DNM3: variants seen among roughly 807,000 people sequenced by gnomAD.
The protein encoded by DNM3 is dynamin 3.
In DNM3, 47 loss-of-function variants were observed where a neutral mutation model predicts 101.6. That is an observed-to-expected ratio of 0.46 (90% CI 0.37 to 0.59). DNM3 has a LOEUF of 0.59. DNM3 is among the 20% of genes least tolerant of loss of function. The pLI is 0.00. For missense variants in DNM3, 849 were observed against 1,085.7 expected (o/e 0.78, Z 3.06); for synonymous variants, 385 against 387.9 (o/e 0.99, Z 0.09).
chr1:171,982,189 A>C (rs949960423), intron 2 of DNM3, among the ~76,000 whole-genome samples: 1 of 152,210 alleles, frequency 6.6e-6, no homozygotes, highest in Non-Finnish European at 1.5e-5. Context: ...AAACCGTGGT[A>C]AACTATGGTA....
At chr1:172,225,133 T>TC (rs1557842454) in intron 14 of DNM3, among the ~76,000 whole-genome samples, 1 of 122,436 alleles carries the variant, frequency 8.2e-6, no homozygotes, top group Non-Finnish European at 1.7e-5. Flanking sequence ...TTCTTCTTCC[T>TC]CTTTTTTTTT....
At chr1:172,092,233 C>G (rs549425276) in intron 12 of DNM3, among the ~76,000 whole-genome samples, 1 of 152,264 alleles carries the variant, frequency 6.6e-6, no homozygotes, top group South Asian at 2.1e-4. Flanking sequence ...CATGGCAGAT[C>G]CAAACCAGAG....
chr1:171,922,383 A>AT (rs1571626978), intron 2 of DNM3, among the ~76,000 whole-genome samples: 1 of 149,886 alleles, frequency 6.7e-6, no homozygotes, highest in Non-Finnish European at 1.5e-5. Context: ...TGCCATTTGT[A>AT]TTTCTTCTCT....
intron 17 of DNM3, among the ~76,000 whole-genome samples, chr1:172,367,809 T>C (rs1264732937): frequency 6.6e-6 from 1 of 151,862 alleles, no homozygotes; most frequent in East Asian, 1.9e-4. Flanking sequence ...TTTCACTGTG[T>C]CCCCACCCAA....
chr1:172,195,919 A>G (rs2059930504), intron 14 of DNM3, among the ~76,000 whole-genome samples: 1 of 150,054 alleles, frequency 6.7e-6, no homozygotes, highest in African/African-American at 2.5e-5. Flanking sequence ...TTAAACTTCT[A>G]TTTTAGGTTT....
chr1:172,258,342 A>G (rs1343495771), intron 15 of DNM3, among the ~76,000 whole-genome samples: 1 of 152,066 alleles, frequency 6.6e-6, no homozygotes, highest in Non-Finnish European at 1.5e-5. Context: ...AGAAATTGCC[A>G]TACTGTTTTC....
chr1:172,183,754 C>G (rs901843765), intron 14 of DNM3, among the ~76,000 whole-genome samples: 4 of 147,352 alleles, frequency 2.7e-5, no homozygotes, highest in Non-Finnish European at 4.5e-5. Context: ...GGTTGCACCA[C>G]CATGCCCAGC....
chr1:172,161,070 C>T (rs776769045), intron 14 of DNM3, among the ~76,000 whole-genome samples: 3 of 151,772 alleles, frequency 2.0e-5, no homozygotes, highest in African/African-American at 4.8e-5. Context: ...AACTTTGGTC[C>T]GATGGCTGGA....
chr1:171,872,281 G>A (rs2035364386), intron 1 of DNM3, among the ~76,000 whole-genome samples: 4 of 152,090 alleles, frequency 2.6e-5, no homozygotes, highest in Admixed American at 2.6e-4. Context: ...TTACCAAATG[G>A]TATATTTTGA....
At chr1:172,395,743 T>C (rs2149098263) in intron 20 of DNM3, among the ~76,000 whole-genome samples, 1 of 152,378 alleles carries the variant, frequency 6.6e-6, no homozygotes, top group East Asian at 1.9e-4. Flanking sequence ...GTAAGTGTTG[T>C]CGGGGGGAAC....
At chr1:172,020,573 A>T (rs1474839211) in intron 4 of DNM3, among the ~76,000 whole-genome samples, 1 of 151,944 alleles carries the variant, frequency 6.6e-6, no homozygotes, top group Non-Finnish European at 1.5e-5. Context: ...ACAAAAAAAA[A>T]TTAGCCGGGC....
intron 17 of DNM3, among the ~76,000 whole-genome samples, chr1:172,359,963 C>G (rs936709738): frequency 6.6e-6 from 1 of 151,916 alleles, no homozygotes; most frequent in Non-Finnish European, 1.5e-5. Flanking sequence ...ACAAGACTTT[C>G]CTATAATCAA....
intron 15 of DNM3, among the ~76,000 whole-genome samples, 171 bp downstream of exon 15, chr1:172,253,853 A>C (rs951346571): frequency 6.6e-6 from 1 of 152,122 alleles, no homozygotes; most frequent in African/African-American, 2.4e-5. Flanking sequence ...TTATGGCTTC[A>C]AAATATAAAA....
chr1:172,033,156 A>G lies in DNM3; in HGVS notation c.740A>G (p.Asp247Gly). The stretch of plus-strand genomic sequence containing the variant: ...CAGAAGGACATAGATGGGAAGAAGG[A>G]CATAAAGGCAGCCATGCTGGCAGAG... ...RSQKDIDGKK[D>G]IKAAMLAERK... Residue 247 changes from aspartate (D) to glycine (G), a missense_variant, in exon 6 of 21, where the codon GAC becomes GGC. By Grantham distance (94) the Asp-to-Gly change is moderately conservative. Around this residue, in one of 5 missense-constraint regions of DNM3, gnomAD observed 388 missense variants for 483.0 expected, o/e 0.80. Transcript: ENST00000627582. The G allele has an allele frequency of 6.2e-7, 1 of 1,612,476 alleles. No homozygotes were observed. Among genetic ancestry groups the G allele is most frequent in the Non-Finnish European group, 8.5e-7 (1 of 1,179,270 alleles).
rs2071101212 is a variant in DNM3 at position 172,409,712 on chromosome 1, A to C, written c.*1871A>C. 1.0e-6 allele frequency: 1 copy of C among 985,346 alleles called. No homozygotes were observed. Among genetic ancestry groups the C allele is most frequent in the African/African-American group, 1.7e-5 (1 of 57,176 alleles). The allele number at this position is 985,346 out of a possible 1,614,324, so 61.0% of individuals were successfully genotyped here. A position where few individuals can be genotyped will look rare whatever the true frequency, so the allele number is the denominator to read the frequency against. On this transcript the variant is annotated 3_prime_UTR_variant, in exon 21 of 21. Transcript: ENST00000627582. ...GCAAACATCCATAGTAAAACAAATA[A>C]TCTTCAGTGAGATCTTTTTATAAAA...
intron 14 of DNM3, chr1:172,131,943 T>C (rs1050617967): frequency 2.8e-5 from 5 of 181,074 alleles, no homozygotes; most frequent in African/African-American, 1.2e-4. Context: ...AAAAAACTTA[T>C]ATTAGTCTTA....
At chr1:172,112,997 C>T (rs1349201723) in intron 13 of DNM3, among the ~76,000 whole-genome samples, 2 of 152,138 alleles carry the variant, frequency 1.3e-5, no homozygotes, top group African/African-American at 4.8e-5. Flanking sequence ...CTCATGGCTC[C>T]TCTAATTTAA....
At chr1:172,355,468 G>A (rs912694453) in intron 17 of DNM3, among the ~76,000 whole-genome samples, 1 of 152,100 alleles carries the variant, frequency 6.6e-6, no homozygotes, top group Non-Finnish European at 1.5e-5. Context: ...TAAACAGCTG[G>A]AGAGAGACTA....
chr1:172,267,016 G>A (rs2062884979), intron 15 of DNM3, among the ~76,000 whole-genome samples: 1 of 152,186 alleles, frequency 6.6e-6, no homozygotes, highest in African/African-American at 2.4e-5. Context: ...TGGCACTCAG[G>A]CATGAGTAGT....
Sources: gnomAD v4.1 joint callset for allele counts (sites outside exome capture counted in the v4.1 genomes callset) on GRCh38, gnomAD v4.1.1 for gene constraint, gnomAD v4.1.1 regional missense constraint, MANE v1.5 for transcripts, NCBI Gene and HGNC (gene_info 2026-07-23, HGNC 2026-07-21) for gene names.